ATP10B: variants seen among roughly 807,000 people sequenced by gnomAD.
ATP10B encodes phospholipid-transporting ATPase VB.
A neutral mutation model predicts 141.2 loss-of-function variants in ATP10B; 122 were observed. The observed-to-expected ratio is 0.86, with a 90% CI of 0.75 to 1.00. The LOEUF is 1.00. Ranked by LOEUF, ATP10B falls within the 50% of genes least tolerant of loss-of-function variation. The probability of loss-of-function intolerance (pLI) is 0.00; values close to 1 mark genes in which losing one functional copy is unlikely to be tolerated. For missense variants in ATP10B, 1,876 were observed against 1,825.3 expected (o/e 1.03, Z -0.51); for synonymous variants, 685 against 692.0 (o/e 0.99, Z 0.16).
intron 1 of ATP10B, among the ~76,000 whole-genome samples, chr5:160,819,807 C>T (rs1305168544): frequency 6.6e-6 from 1 of 151,752 alleles, no homozygotes; most frequent in Non-Finnish European, 1.5e-5. Flanking sequence ...TCATGGCACC[C>T]TAAATCAAAA....
chr5:160,589,641 A>C lies in ATP10B; in HGVS notation c.3701T>G (p.Ile1234Ser). Residue 1234 changes from isoleucine (I) to serine (S), a missense_variant, in exon 24 of 26, where the codon ATC (isoleucine) becomes AGC (serine). Coordinates refer to ENST00000327245, the MANE Select transcript of ATP10B (RefSeq NM_025153.3). ...VFTFGTPINT[I>S]SLTTILLHQA... ...GTGCAAAAGGATTGTGGTGAGGGAG[A>C]TGGTGTTGATTGGTGTCCCAAAGGT... 1 of 1,614,026 alleles carries C rather than the reference A, an allele frequency of 6.2e-7. No homozygotes were observed. Among genetic ancestry groups the C allele is most frequent in the East Asian group, 2.2e-5 (1 of 44,874 alleles).
chr5:160,766,011 C>T (rs973352142), intron 2 of ATP10B, among the ~76,000 whole-genome samples: 3 of 151,914 alleles, frequency 2.0e-5, no homozygotes, highest in Admixed American at 6.6e-5. Flanking sequence ...TGTGATACCT[C>T]GTTACCCCGG....
chr5:160,870,970 C>A, the ATP10B span, among the ~76,000 whole-genome samples: 1 of 16,744 alleles, frequency 6.0e-5, no homozygotes, highest in Non-Finnish European at 2.8e-4. Context: ...CAATTCTGTA[C>A]TTTTTGAAAT....
At chr5:160,746,275 T>C (rs1767797959) in intron 2 of ATP10B, among the ~76,000 whole-genome samples, 1 of 151,996 alleles carries the variant, frequency 6.6e-6, no homozygotes, top group Admixed American at 6.5e-5. Flanking sequence ...CTGGTGGGGG[T>C]TATATATGAG....
the ATP10B span, among the ~76,000 whole-genome samples, chr5:160,893,445 G>T: frequency 6.6e-6 from 1 of 152,138 alleles, no homozygotes; most frequent in Non-Finnish European, 1.5e-5. Flanking sequence ...TTTGAACTGG[G>T]GAGAACCCAC....
intron 23 of ATP10B, among the ~76,000 whole-genome samples, chr5:160,590,664 G>C (rs982527550): frequency 6.6e-6 from 1 of 152,162 alleles, no homozygotes; most frequent in African/African-American, 2.4e-5. Flanking sequence ...ATCAAGGGTA[G>C]TAAATTCAAA....
chr5:160,636,308 AC>A lies in ATP10B; in HGVS notation c.1001del (p.Gly334ValfsTer38). On this transcript the variant is annotated frameshift_variant and splice_region_variant, in exon 11 of 26. Coordinates refer to ENST00000327245, the MANE Select transcript of ATP10B (RefSeq NM_025153.3). LOFTEE classifies it high-confidence loss of function. ...CAAAGGTCCCATTCCAGATGCTGTG[AC>A]CTGAGAGGAGGCAAAACCAGGAATG... ...LILMCLIGAV[G>X]HSIWNGTFEE... 1 of 1,611,974 alleles carries A rather than the reference AC, an allele frequency of 6.2e-7. No individual in the cohort carries two copies. The highest frequency in any genetic ancestry group is 8.5e-7 in the Non-Finnish European group (1 of 1,179,250).
chr5:160,587,990 C>T (rs544882564), intron 24 of ATP10B, among the ~76,000 whole-genome samples: 41 of 152,238 alleles, frequency 2.7e-4, no homozygotes, highest in South Asian at 6.2e-4. Context: ...GCTGGGATTA[C>T]GGGCACATGC....
At chr5:160,749,927 C>T (rs567633436) in intron 2 of ATP10B, among the ~76,000 whole-genome samples, 4 of 152,220 alleles carry the variant, frequency 2.6e-5, no homozygotes, top group South Asian at 4.1e-4. Flanking sequence ...TCTCTGAGCC[C>T]GAATGAGAAT....
the ATP10B span, among the ~76,000 whole-genome samples, chr5:160,927,125 A>T: frequency 6.6e-6 from 1 of 152,218 alleles, no homozygotes; most frequent in East Asian, 1.9e-4. Context: ...AGAAGAGTAC[A>T]GCTCATAGAA....
intron 1 of ATP10B, among the ~76,000 whole-genome samples, chr5:160,836,446 A>C (rs1480542910): frequency 6.6e-6 from 1 of 152,130 alleles, no homozygotes. Flanking sequence ...CAGAGGACTA[A>C]ATGAGATAAA....
At chr5:160,648,531 C>T (rs1760460237) in intron 8 of ATP10B, among the ~76,000 whole-genome samples, 1 of 152,078 alleles carries the variant, frequency 6.6e-6, no homozygotes, top group African/African-American at 2.4e-5. Context: ...AGCAGAATTG[C>T]AGTAAAATGC....
intron 1 of ATP10B, among the ~76,000 whole-genome samples, chr5:160,800,142 A>T (rs1265139591): frequency 2.6e-5 from 4 of 152,172 alleles, no homozygotes. Flanking sequence ...CTGGTACTTC[A>T]TATACATTAT....
At chr5:160,802,601 A>T (rs897608227) in intron 1 of ATP10B, among the ~76,000 whole-genome samples, 4 of 152,198 alleles carry the variant, frequency 2.6e-5, no homozygotes, top group African/African-American at 9.7e-5. Context: ...GACTTAGACA[A>T]GTTCAAAATG....
At chr5:160,883,696 T>G in the ATP10B span, among the ~76,000 whole-genome samples, 2 of 152,148 alleles carry the variant, frequency 1.3e-5, no homozygotes, top group Admixed American at 6.5e-5. Flanking sequence ...AGTAATAAAA[T>G]TATTGCTAGA....
the ATP10B span, among the ~76,000 whole-genome samples, chr5:160,912,630 A>G: frequency 2.6e-5 from 4 of 151,756 alleles, no homozygotes; most frequent in South Asian, 4.2e-4. Context: ...AAGAAGAGAA[A>G]AGAAAAGGAG....
chr5:160,910,037 T>C, the ATP10B span, among the ~76,000 whole-genome samples: 2 of 152,184 alleles, frequency 1.3e-5, no homozygotes, highest in African/African-American at 4.8e-5. Context: ...AATTAAAATA[T>C]AGAGACTCCT....
At chr5:160,617,718 G>A in intron 16 of ATP10B, 146 bp downstream of exon 16, 1 of 699,486 alleles carries the variant, frequency 1.4e-6, no homozygotes, top group Non-Finnish European at 2.3e-6. Flanking sequence ...TCAGTGTCTT[G>A]GGTTTTTGTG....
chr5:160,890,246 T>C, the ATP10B span, among the ~76,000 whole-genome samples: 3 of 152,248 alleles, frequency 2.0e-5, no homozygotes, highest in Non-Finnish European at 4.4e-5. Flanking sequence ...ATGTTCTTTA[T>C]GGACTAAGTG....
Sources: gnomAD v4.1 joint callset for allele counts (sites outside exome capture counted in the v4.1 genomes callset) on GRCh38, gnomAD v4.1.1 for gene constraint, MANE v1.5 for transcripts, NCBI Gene and HGNC (gene_info 2026-07-23, HGNC 2026-07-21) for gene names.